The following PRKCQ variants were observed in gnomAD, a reference collection of about 807,000 sequenced individuals.
PRKCQ encodes protein kinase C theta, also known as protein kinase C theta type.
A neutral mutation model predicts 91.2 loss-of-function variants in PRKCQ; 41 were observed. The observed-to-expected ratio is 0.45, with a 90% confidence interval of 0.35 to 0.58. The LOEUF (loss-of-function observed/expected upper bound fraction) is 0.58. Among genes scored for constraint, PRKCQ ranks in the 20% least tolerant of loss-of-function variants. The pLI is 0.00. For synonymous variants in PRKCQ, 307 were observed against 316.9 expected (o/e 0.97, Z 0.33); for missense variants, 673 against 896.5 (o/e 0.75, Z 3.18).
Position 6,500,930 on chromosome 10 carries a change from G to A in PRKCQ, c.380-2372C>T, listed in dbSNP as rs545642323. Among the ~76,000 whole-genome samples the A allele has an allele frequency of 1.4e-4, 21 of 152,254 alleles. No individual in the cohort carries two copies. In the South Asian group the frequency reaches 4.4e-3, roughly 32 times the overall value. On this transcript the variant is annotated intron_variant, in intron 4 of 17. Coordinates refer to ENST00000263125, the MANE Select transcript of PRKCQ (RefSeq NM_006257.5). ...CAACCTTAAGAGGCAATATATGATG[G>A]TGTGGAATAGGCTCCGAGATATGTG... is the stretch of plus-strand genomic sequence containing the variant.
intron 15 of PRKCQ, among the ~76,000 whole-genome samples, chr10:6,449,363 T>G (rs1376347951): frequency 6.6e-6 from 1 of 151,012 alleles, no homozygotes; most frequent in East Asian, 1.9e-4. Flanking sequence ...TGAAATGAAG[T>G]GAGAAGGGAA....
chr10:6,524,563 T>C (rs1839130269), intron 1 of PRKCQ, among the ~76,000 whole-genome samples: 1 of 152,242 alleles, frequency 6.6e-6, no homozygotes, highest in Non-Finnish European at 1.5e-5. Context: ...ATCTATAGAA[T>C]TAATAGCTCA....
At chr10:6,460,472 T>C (rs1835260601) in intron 14 of PRKCQ, among the ~76,000 whole-genome samples, 1 of 150,088 alleles carries the variant, frequency 6.7e-6, no homozygotes, top group African/African-American at 2.4e-5. Flanking sequence ...TTTTTATTCC[T>C]ACTTCCCCTT....
chr10:6,413,879 T>C, the PRKCQ span, among the ~76,000 whole-genome samples: 13 of 152,364 alleles, frequency 8.5e-5, no homozygotes, highest in African/African-American at 2.9e-4. Flanking sequence ...GAAAAATATT[T>C]GAGCTTTCCA....
rs148376969 is a variant in PRKCQ, at chr10:6,511,078, C to T, written c.235G>A (p.Val79Met). The change falls in exon 3 of 18, where the codon GTG (valine) becomes ATG (methionine). Residue 79 changes from valine to methionine, a missense_variant. Val to Met is a conservative substitution (Grantham distance 21). Transcript: ENST00000263125. ...ACGGTGGTTTCAGAGATGAGGTCCA[C>T]GTTTTTGCCTTTCACAATGATCTGC... ...VMQIIVKGKNVDLISETTVEL... is the reference protein window; with the variant it reads ...VMQIIVKGKNMDLISETTVEL... 1.2e-4 allele frequency: 192 copies of T among 1,614,150 alleles called. No homozygotes were observed. Among genetic ancestry groups the T allele is most frequent in the Non-Finnish European group, 1.5e-4 (173 of 1,180,018 alleles).
chr10:6,481,317 T>C (rs111346464), intron 11 of PRKCQ, among the ~76,000 whole-genome samples: 1 of 152,262 alleles, frequency 6.6e-6, no homozygotes, highest in Non-Finnish European at 1.5e-5. Context: ...AGTCCTCTTT[T>C]AGTAATTGCT....
intron 13 of PRKCQ, among the ~76,000 whole-genome samples, chr10:6,463,661 G>A (rs1176899026): frequency 4.6e-5 from 7 of 152,260 alleles, no homozygotes; most frequent in South Asian, 2.1e-4. Flanking sequence ...ATTATTGAGC[G>A]CTGAGCAAAG....
intron 1 of PRKCQ, among the ~76,000 whole-genome samples, chr10:6,546,392 G>T (rs1313414968): frequency 5.9e-5 from 9 of 152,162 alleles, no homozygotes. Context: ...CAGAGGAAAG[G>T]AAATTTCAGC....
rs1837664058 is a variant in PRKCQ at position 6,497,091 on chromosome 10, T to C, written c.604A>G (p.Ile202Val). 1.2e-6 allele frequency: 2 copies of C among 1,613,900 alleles called. No homozygotes were observed. The highest frequency in any genetic ancestry group is 1.7e-6 in the Non-Finnish European group (2 of 1,180,024). Residue 202 changes from isoleucine to valine, a missense_variant, in exon 7 of 18, where the codon ATT (isoleucine) becomes GTT (valine). Ile to Val is a conservative substitution (Grantham distance 29). Transcript: ENST00000263125. The surrounding 1 kb of genome is among the most constrained non-coding windows in gnomAD (Gnocchi z 4.5). ...GTGCACTTTGCTATAACTTTATCAA[T>C]ACACTTCTTGTGAATTGCTGCATTG... The part of the protein sequence containing the change: ...QCNAAIHKKC[I>V]DKVIAKCTGS...
At chr10:6,559,749 T>G (rs1415139281) in intron 1 of PRKCQ, among the ~76,000 whole-genome samples, 1 of 152,232 alleles carries the variant, frequency 6.6e-6, no homozygotes, top group Non-Finnish European at 1.5e-5. Context: ...AAACATTTAA[T>G]AATCTAAAAA....
At chr10:6,476,531 T>C (rs1044717161) in intron 12 of PRKCQ, among the ~76,000 whole-genome samples, 4 of 152,218 alleles carry the variant, frequency 2.6e-5, no homozygotes, top group East Asian at 3.9e-4. Flanking sequence ...AAATACTATA[T>C]ATTCTCACTT....
chr10:6,559,742 C>T (rs528869553), intron 1 of PRKCQ, among the ~76,000 whole-genome samples: 1 of 152,166 alleles, frequency 6.6e-6, no homozygotes, highest in African/African-American at 2.4e-5. Context: ...AAAAAGGAAA[C>T]ATTTAATAAT....
chr10:6,402,498 T>C, the PRKCQ span, among the ~76,000 whole-genome samples: 2 of 151,344 alleles, frequency 1.3e-5, no homozygotes, highest in East Asian at 3.9e-4. Context: ...TGACTCCGCA[T>C]CTCCCTGCTC....
chr10:6,418,287 A>G, the PRKCQ span, among the ~76,000 whole-genome samples: 1 of 152,168 alleles, frequency 6.6e-6, no homozygotes, highest in Admixed American at 6.5e-5. Context: ...CTTTCTTGAC[A>G]TTCTTCTCTT....
At chr10:6,405,387 C>T in the PRKCQ span, among the ~76,000 whole-genome samples, 3 of 152,280 alleles carry the variant, frequency 2.0e-5, no homozygotes, top group East Asian at 1.9e-4. Flanking sequence ...CTCCGTTTGC[C>T]GTCCTCTCAT....
chr10:6,456,523 C>T, intron 15 of PRKCQ, 151 bp downstream of exon 15: 1 of 957,136 alleles, frequency 1.0e-6, no homozygotes, highest in Non-Finnish European at 1.5e-6. Flanking sequence ...TAGAAACCCA[C>T]ATGCATGGTG....
chr10:6,485,638 A>G (rs1363985068), intron 9 of PRKCQ, among the ~76,000 whole-genome samples: 2 of 152,216 alleles, frequency 1.3e-5, no homozygotes, highest in African/African-American at 4.8e-5. Context: ...CTAATGCCAA[A>G]ACAGTAAACA....
intron 15 of PRKCQ, among the ~76,000 whole-genome samples, chr10:6,449,380 A>G (rs886971910): frequency 1.3e-5 from 2 of 152,196 alleles, no homozygotes; most frequent in Admixed American, 1.3e-4. Context: ...GGAAGTTTAG[A>G]GAAAAAAGAA....
At chr10:6,485,045 T>G in intron 10 of PRKCQ, 107 bp downstream of exon 10, 1 of 937,286 alleles carries the variant, frequency 1.1e-6, no homozygotes, top group Non-Finnish European at 1.7e-6. Context: ...TGGAGGTGGA[T>G]CACCTATCAG....
Sources: allele counts gnomAD v4.1 joint callset (sites outside exome capture counted in the v4.1 genomes callset), GRCh38; gene constraint gnomAD v4.1.1; non-coding constraint Gnocchi (gnomAD v3.1); transcripts MANE v1.5; gene names NCBI Gene and HGNC (gene_info 2026-07-23, HGNC 2026-07-21).